COL28A1: variants seen among roughly 807,000 people sequenced by gnomAD.
The protein encoded by COL28A1 is collagen alpha-1(XXVIII) chain.
COL28A1 carries 161 observed loss-of-function variants against 150.2 expected under a neutral mutation model. The observed-to-expected ratio is 1.07, with a 90% CI of 0.94 to 1.22. The LOEUF (loss-of-function observed/expected upper bound fraction) is 1.22. Among genes scored for constraint, COL28A1 ranks in the 50% most tolerant of loss-of-function variants. The pLI is 0.00. For synonymous variants in COL28A1, 552 were observed against 469.7 expected (o/e 1.18, Z -2.26); for missense variants, 1,617 against 1,388.3 (o/e 1.16, Z -2.62).
At chr7:7,362,340 AAG>A (rs1232975275) in intron 33 of COL28A1, among the ~76,000 whole-genome samples, 2 of 117,558 alleles carry the variant, frequency 1.7e-5, no homozygotes, top group Non-Finnish European at 3.6e-5. Flanking sequence ...TTATCCTTGC[AAG>A]AGTTTCTCTT....
intron 15 of COL28A1, among the ~76,000 whole-genome samples, chr7:7,465,537 C>T (rs1466145651): frequency 7.2e-6 from 1 of 138,472 alleles, no homozygotes; most frequent in African/African-American, 2.7e-5. Context: ...GAGGGGCGCC[C>T]GCCATTGCCC....
At chr7:7,524,360 A>G in intron 3 of COL28A1, 111 bp from the exon 4 acceptor site, 1 of 732,634 alleles carries the variant, frequency 1.4e-6, no homozygotes, top group Non-Finnish European at 2.3e-6. Flanking sequence ...AAGAATAGCA[A>G]TTCAGCCTTT....
rs569977871 is a variant in COL28A1 at position 7,448,635 on chromosome 7, A to C, written c.1509+3684T>G. 7.3e-5 allele frequency among the ~76,000 whole-genome samples: 11 copies of C among 151,344 alleles called. 1 individual carries two copies. The highest frequency in any genetic ancestry group is 1.5e-4 in the Non-Finnish European group (10 of 67,692). On this transcript the variant is annotated intron_variant, in intron 18 of 34. Coordinates refer to ENST00000399429, the MANE Select transcript of COL28A1 (RefSeq NM_001037763.3). ...ATTTATAACATTTTATTTATGATAA[A>C]ATTTATAAAAATTTATAAAATTTAT...
chr7:7,360,429 G>A lies in COL28A1; in HGVS notation c.3166C>T (p.Pro1056Ser), dbSNP rs1562458863. 2 of 1,608,044 alleles carry A rather than the reference G, an allele frequency of 1.2e-6. No homozygotes were observed. Among genetic ancestry groups the A allele is most frequent in the Non-Finnish European group, 8.5e-7 (1 of 1,178,322 alleles). Residue 1056 changes from proline (P) to serine (S), a missense_variant, in exon 34 of 35, where the codon CCC (proline) becomes TCC (serine). Coordinates refer to ENST00000399429, the MANE Select transcript of COL28A1 (RefSeq NM_001037763.3). ...ACAGGGGTGCTGAGCAGTGGCCTGGGGGTGGTGGTGGCCTCAGATGAGGTA... is the reference window on the plus strand; with the variant it reads ...ACAGGGGTGCTGAGCAGTGGCCTGGAGGTGGTGGTGGCCTCAGATGAGGTA... ...ATTSSEATTT[P>S]RPLLSTPVDG...
chr7:7,460,390 T>G (rs1268958147), intron 15 of COL28A1, among the ~76,000 whole-genome samples: 4 of 152,046 alleles, frequency 2.6e-5, no homozygotes, highest in African/African-American at 9.7e-5. Context: ...TTTTGTTGTT[T>G]TTTTTTTTAG....
chr7:7,382,813 T>A (rs1417470393), intron 27 of COL28A1, among the ~76,000 whole-genome samples: 4 of 152,030 alleles, frequency 2.6e-5, no homozygotes, highest in African/African-American at 9.7e-5. Flanking sequence ...CAGGTGAAGG[T>A]AAAGGCAAAA....
chr7:7,485,698 G>A lies in COL28A1; in HGVS notation c.1164+3691C>T, dbSNP rs148826479. 1.8e-3 allele frequency among the ~76,000 whole-genome samples: 272 copies of A among 152,150 alleles called. 2 individuals are homozygous for A. The highest frequency in any genetic ancestry group is 5.9e-3 in the African/African-American group (244 of 41,522). ...TGTGTTTGCACAGATAACCAATTGC[G>A]CCAGCACCATTTGTTAAAAAGACTA... is the stretch of plus-strand genomic sequence containing the variant. On this transcript the variant is annotated intron_variant, in intron 13 of 34. Transcript: ENST00000399429.
In COL28A1 at chr7:7,474,661, T is replaced by C; in HGVS notation, c.1242A>G (p.Lys414=). 7 of 1,364,460 alleles carry C rather than the reference T, an allele frequency of 5.1e-6. No homozygotes were observed. The highest frequency in any genetic ancestry group is 6.3e-6 in the Non-Finnish European group (6 of 953,172). The allele number at this position is 1,364,460 out of a possible 1,614,324, so 84.5% of individuals were successfully genotyped here. The change falls in exon 15 of 35, where the codon AAA becomes AAG. Residue 414 remains lysine, a synonymous_variant. Transcript: ENST00000399429. ...GEGFPGPKGE[K]GSEGPTGPQG... ...GTGGGCCAGTTGGTCCTTCAGAACC[T>C]TTTTCACCCTGAAAGTACAAGGGAG...
intron 11 of COL28A1, among the ~76,000 whole-genome samples, chr7:7,494,356 C>T (rs1207678108): frequency 6.6e-6 from 1 of 152,054 alleles, no homozygotes; most frequent in Non-Finnish European, 1.5e-5. Context: ...CACACCTAGC[C>T]CTTCATGCAT....
intron 22 of COL28A1, 44 bp from the exon 23 acceptor site, chr7:7,436,507 A>C (rs755344690): frequency 2.1e-6 from 2 of 944,602 alleles, no homozygotes; most frequent in South Asian, 2.6e-5. Context: ...GTTGTGCGAG[A>C]AATCACAAGC....
chr7:7,527,012 T>C (rs1782060691), intron 3 of COL28A1, among the ~76,000 whole-genome samples: 1 of 152,244 alleles, frequency 6.6e-6, no homozygotes, highest in African/African-American at 2.4e-5. Flanking sequence ...TTTTATACTT[T>C]TTTCAGTTCT....
the COL28A1 span, among the ~76,000 whole-genome samples, chr7:7,340,562 A>G: frequency 6.6e-6 from 1 of 152,118 alleles, no homozygotes; most frequent in Admixed American, 6.6e-5. Flanking sequence ...GCCGTAGGCA[A>G]TTAGCTCAAT....
chr7:7,407,266 G>T (rs1225686872), intron 27 of COL28A1, among the ~76,000 whole-genome samples: 2 of 151,948 alleles, frequency 1.3e-5, no homozygotes, highest in Non-Finnish European at 2.9e-5. Context: ...AGAAGACTAG[G>T]TCAGAAGCAA....
In COL28A1 at chr7:7,439,870, G is replaced by A. The variant is rs117027652; in HGVS notation, c.1722+920C>T. 7.6e-3 allele frequency among the ~76,000 whole-genome samples: 1,164 copies of A among 152,244 alleles called. 4 individuals are homozygous for A. The highest frequency in any genetic ancestry group is 0.025 in the South Asian group (122 of 4,820). On this transcript the variant is annotated intron_variant, in intron 21 of 34. Coordinates refer to ENST00000399429, the MANE Select transcript of COL28A1 (RefSeq NM_001037763.3). ...TAATCATCCCCAGGTGATACCGATGGACACTGAATGGACACTGAAGTTTAA... is the reference window on the plus strand; with the variant it reads ...TAATCATCCCCAGGTGATACCGATGAACACTGAATGGACACTGAAGTTTAA...
At chr7:7,483,987 C>A (rs1463913670) in intron 13 of COL28A1, among the ~76,000 whole-genome samples, 1 of 151,480 alleles carries the variant, frequency 6.6e-6, no homozygotes, top group Non-Finnish European at 1.5e-5. Context: ...AGAAAATTAT[C>A]CAATTGCAAC....
chr7:7,522,806 C>CAAAAAAAAAAAAAAAAAAAAA lies in COL28A1; in HGVS notation c.703-866_703-846dup, dbSNP rs200294353. On this transcript the variant is annotated intron_variant, in intron 4 of 34. Coordinates refer to ENST00000399429, the MANE Select transcript of COL28A1 (RefSeq NM_001037763.3). Reference sequence around the variant, plus strand: ...ACTAACACTAACGATAGCTGAAGAGCAAAAAAAAAAAAAAAAAAAAAAAAA... The same window carrying CAAAAAAAAAAAAAAAAAAAAA: ...ACTAACACTAACGATAGCTGAAGAGCAAAAAAAAAAAAAAAAAAAAAAAAAAAAAAAAAAAAAAAAAAAAAA... Among the ~76,000 whole-genome samples, 62 of 93,168 alleles carry CAAAAAAAAAAAAAAAAAAAAA rather than the reference C, an allele frequency of 6.7e-4. 4 individuals are homozygous for CAAAAAAAAAAAAAAAAAAAAA. The highest frequency in any genetic ancestry group is 9.2e-4 in the East Asian group (3 of 3,250). The allele number at this position is 93,168 out of a possible 152,430, so 61.1% of individuals were successfully genotyped here.
At chr7:7,543,130 C>T in the COL28A1 span, among the ~76,000 whole-genome samples, 4,619 of 152,152 alleles carry the variant, frequency 0.03, 243 homozygotes, top group African/African-American at 0.11. Flanking sequence ...TTCTATATAG[C>T]AAACTGATTC....
chr7:7,434,033 G>C (rs1318214514), intron 23 of COL28A1, among the ~76,000 whole-genome samples: 1 of 152,112 alleles, frequency 6.6e-6, no homozygotes, highest in Non-Finnish European at 1.5e-5. Flanking sequence ...ATGAATAATT[G>C]ACTGGGAACA....
chr7:7,504,461 C>G (rs6951703), intron 11 of COL28A1, among the ~76,000 whole-genome samples: 3,688 of 152,208 alleles, frequency 0.024, 155 homozygotes, highest in African/African-American at 0.083. Flanking sequence ...GATCATGCCA[C>G]TGTACTCCAG....
Sources: gnomAD v4.1 joint callset for allele counts (sites outside exome capture counted in the v4.1 genomes callset) on GRCh38, gnomAD v4.1.1 for gene constraint, MANE v1.5 for transcripts, NCBI Gene and HGNC (gene_info 2026-07-23, HGNC 2026-07-21) for gene names.